ATG2B: variants seen among roughly 807,000 people sequenced by gnomAD.
ATG2B encodes the protein autophagy-related protein 2 homolog B.
A neutral mutation model predicts 241.3 loss-of-function variants in ATG2B; 121 were observed. The ratio of observed to expected loss-of-function variants is 0.50; its 90% CI spans 0.43 to 0.58. The LOEUF (loss-of-function observed/expected upper bound fraction) is 0.58. ATG2B is among the 20% of genes least tolerant of loss of function. The pLI is 0.00. For synonymous variants in ATG2B, 858 were observed against 876.6 expected, an observed-to-expected ratio of 0.98 and a Z score of 0.37; for missense variants, 2,306 against 2,491.6, an observed-to-expected ratio of 0.93 and a Z score of 1.59.
intron 1 of ATG2B, among the ~76,000 whole-genome samples, chr14:96,359,190 G>A (rs779204487): frequency 4.6e-5 from 7 of 152,006 alleles, no homozygotes; most frequent in Non-Finnish European, 7.4e-5. Context: ...TGGGCAACAT[G>A]GCGAAATCCC....
At chr14:96,335,101 C>T (rs1887835983) in intron 6 of ATG2B, among the ~76,000 whole-genome samples, 1 of 152,164 alleles carries the variant, frequency 6.6e-6, no homozygotes, top group Non-Finnish European at 1.5e-5. Flanking sequence ...TCTTTGCCCA[C>T]TTTTCCATCT....
chr14:96,329,711 G>A, intron 11 of ATG2B, 77 bp from the exon 12 acceptor site: 1 of 916,036 alleles, frequency 1.1e-6, no homozygotes, highest in Admixed American at 2.5e-5. Flanking sequence ...ACAAGTTCAA[G>A]TTATCAATAA....
chr14:96,335,206 A>T (rs1160298822), intron 6 of ATG2B, among the ~76,000 whole-genome samples: 2 of 152,214 alleles, frequency 1.3e-5, no homozygotes, highest in Admixed American at 6.5e-5. Context: ...AAAAAGCAGA[A>T]TATCCCTGCC....
chr14:96,302,845 C>G (rs1886829340), intron 33 of ATG2B, among the ~76,000 whole-genome samples: 1 of 152,138 alleles, frequency 6.6e-6, no homozygotes, highest in Admixed American at 6.5e-5. Flanking sequence ...CCTCAGATAT[C>G]AATTTATTAG....
In ATG2B at chr14:96,328,758, C is replaced by A; in HGVS notation, c.1890G>T (p.Thr630=). ...SVPPHYTELL[T]FHSKEETGSH... ...AACCAGTTTCTTCTTTGGAATGGAA[C>A]GTTAAAAGCTTAAAAGTAAAGATGA... Residue 630 remains threonine, a synonymous_variant, in exon 13 of 42, where the codon ACG becomes ACT. Transcript: ENST00000359933. 1 of 1,606,684 alleles carries A rather than the reference C, an allele frequency of 6.2e-7. No homozygotes were observed. Among genetic ancestry groups the A allele is most frequent in the Middle Eastern group, 1.7e-4 (1 of 6,034 alleles).
chr14:96,306,074 T>C (rs1886938219), intron 30 of ATG2B, among the ~76,000 whole-genome samples: 2 of 152,352 alleles, frequency 1.3e-5, no homozygotes, highest in Admixed American at 6.5e-5. Context: ...ACTTGTTTGA[T>C]AATAAAAAAG....
chr14:96,317,256 A>G lies in ATG2B; in HGVS notation c.3099T>C (p.Tyr1033=). The G allele has an allele frequency of 6.2e-7, 1 of 1,613,922 alleles. No individual in the cohort carries two copies. The highest frequency in any genetic ancestry group is 1.7e-5 in the Admixed American group (1 of 60,024). ...CTAATTTTTTTTTCCTGCGAGAACG[A>G]TAGTTGGGATCAACAGTGGAAAAAT... The part of the protein sequence containing the change: ...LQYFSTVDPN[Y]RSRRKKKLDS... The change falls in exon 20 of 42, where the codon TAT becomes TAC. Residue 1033 remains tyrosine (Y), a synonymous_variant. Transcript: ENST00000359933.
chr14:96,282,480 T>TGAAGC lies in ATG2B; in HGVS notation c.*3270_*3274dup, dbSNP rs1385345247. ...TCTGAGGATGCGGGTGCGAGGACTC[T>TGAAGC]GAAGCAAAGCAAAGCAGAGGGATCT... is the stretch of plus-strand genomic sequence containing the variant. On this transcript the variant is annotated 3_prime_UTR_variant, in exon 42 of 42. Coordinates refer to ENST00000359933, the MANE Select transcript of ATG2B (RefSeq NM_018036.7). The TGAAGC allele has an allele frequency of 6.6e-6, 1 of 152,256 alleles. No individual in the cohort carries two copies. Among genetic ancestry groups the TGAAGC allele is most frequent in the Admixed American group, 6.5e-5 (1 of 15,286 alleles). The allele number at this position is 152,256 out of a possible 1,614,324, so 9.4% of individuals were successfully genotyped here. A position where few individuals can be genotyped will look rare whatever the true frequency, so the allele number is the denominator to read the frequency against.
At chr14:96,286,294 C>T (rs1190078696) in intron 41 of ATG2B, among the ~76,000 whole-genome samples, 1 of 152,134 alleles carries the variant, frequency 6.6e-6, no homozygotes, top group Non-Finnish European at 1.5e-5. Context: ...ATTAATCACT[C>T]CAGTTAAATC....
Position 96,341,624 on chromosome 14 carries a change from T to C in ATG2B, c.822A>G (p.Leu274=), listed in dbSNP as rs747065316. ...YEPHPQLTRN[L]PEIAPSDPVQ... ...CTGGGTCAGAAGGTGCTATCTCTGGTAAATTTCTAGTTAGCTGTGGGTGTG... is the reference window on the plus strand; with the variant it reads ...CTGGGTCAGAAGGTGCTATCTCTGGCAAATTTCTAGTTAGCTGTGGGTGTG... The change falls in exon 6 of 42, where the codon TTA becomes TTG. Residue 274 remains leucine (L), a synonymous_variant. Transcript: ENST00000359933. 2.5e-6 allele frequency: 4 copies of C among 1,603,948 alleles called. No individual in the cohort carries two copies. In the Admixed American group the frequency reaches 5.1e-5, roughly 20 times the overall value.
Position 96,291,603 on chromosome 14 carries a change from T to G in ATG2B, c.5576A>C (p.His1859Pro), listed in dbSNP as rs1427353785. 6.3e-7 allele frequency: 1 copy of G among 1,597,402 alleles called. No homozygotes were observed. Among genetic ancestry groups the G allele is most frequent in the Non-Finnish European group, 8.6e-7 (1 of 1,168,932 alleles). The change falls in exon 38 of 42, where the codon CAT (histidine) becomes CCT (proline). Residue 1859 changes from histidine (H) to proline (P), a missense_variant. Coordinates refer to ENST00000359933, the MANE Select transcript of ATG2B (RefSeq NM_018036.7). ...ELKLKRLSYR[H>P]GLLGVDKLFS... ...TTCATATAATAAATTCACTTACCCA[T>G]GTCGATAGGAAAGCCTCTTGAGCTT...
In ATG2B at chr14:96,280,607, G is replaced by C. The variant is rs181887372; in HGVS notation, c.*5148C>G. 13 of 152,302 alleles carry C rather than the reference G, an allele frequency of 8.5e-5. No individual in the cohort carries two copies. Among genetic ancestry groups the C allele is most frequent in the African/African-American group, 3.1e-4 (13 of 41,550 alleles). 9.4% of individuals were successfully genotyped at this position (152,302 alleles called of 1,614,324 possible). ...TTGCCCTTAAAAATAAGTATGTCTG[G>C]CCAGGCACGGTGGCTCATGCCTGTA... On this transcript the variant is annotated 3_prime_UTR_variant, in exon 42 of 42. Coordinates refer to ENST00000359933, the MANE Select transcript of ATG2B (RefSeq NM_018036.7).
In ATG2B at chr14:96,329,581, G is replaced by A. The variant is rs201727567; in HGVS notation, c.1784C>T (p.Ser595Phe). 2.3e-4 allele frequency: 369 copies of A among 1,610,200 alleles called. 1 individual carries two copies. The highest frequency in any genetic ancestry group is 1.8e-3 in the Middle Eastern group (11 of 6,034). The stretch of plus-strand genomic sequence containing the variant: ...GGACATATCAGTACTAAAATATCGG[G>A]AAGCTGATCTTTGTCTTTGTTCATA... ...VSYEQRQRSA[S>F]RYFSTDMSIG... The change falls in exon 12 of 42, where the codon TCC (serine) becomes TTC (phenylalanine). Residue 595 changes from serine (S) to phenylalanine (F), a missense_variant. Physicochemically the swap from Ser to Phe is radical, Grantham distance 155. Coordinates refer to ENST00000359933, the MANE Select transcript of ATG2B (RefSeq NM_018036.7).
intron 6 of ATG2B, among the ~76,000 whole-genome samples, chr14:96,340,926 G>GAAAAAA (rs34515724): frequency 1.8e-5 from 2 of 112,984 alleles, no homozygotes; most frequent in African/African-American, 3.4e-5. Flanking sequence ...ACCCCATCTC[G>GAAAAAA]AAAAAAAAAA....
Position 96,304,425 on chromosome 14 carries a change from T to TG in ATG2B, c.4842+69dup, listed in dbSNP as rs1475753615. ...GGACTTAAGGCTCAAGACTACGTGGTGGGGGATAACAAAAGAACCCCCCGC... is the reference window on the plus strand; with the variant it reads ...GGACTTAAGGCTCAAGACTACGTGGTGGGGGGATAACAAAAGAACCCCCCGC... On this transcript the variant is annotated intron_variant, in intron 32 of 41. Transcript: ENST00000359933. 7.0e-6 allele frequency: 8 copies of TG among 1,140,274 alleles called. No homozygotes were observed. In the Admixed American group the frequency reaches 1.4e-4, roughly 20 times the overall value. 70.6% of individuals were successfully genotyped at this position (1,140,274 alleles called of 1,614,324 possible). A position where few individuals can be genotyped will look rare whatever the true frequency, so the allele number is the denominator to read the frequency against.
At position 96,322,647 on chromosome 14, in the gene ATG2B, G is replaced by C; in HGVS notation, c.2629C>G (p.Gln877Glu). The part of the protein sequence containing the change: ...EEEEENDGHY[Q>E]EEEEGGAHSL... The stretch of plus-strand genomic sequence containing the variant: ...TGAGCACCTCCTTCCTCTTCCTCCT[G>C]GTAGTGACCATCATTCTCCTCTTCT... Residue 877 changes from glutamine to glutamate, a missense_variant, in exon 17 of 42, where the codon CAG (glutamine) becomes GAG (glutamate). By Grantham distance (29) the Gln-to-Glu change is conservative (BLOSUM62 2). Around this residue, in one of 2 missense-constraint regions of ATG2B, gnomAD observed 1,927 missense variants for 2,011.2 expected, o/e 0.96. Transcript: ENST00000359933. The C allele has an allele frequency of 6.2e-7, 1 of 1,613,716 alleles. No homozygotes were observed. Among genetic ancestry groups the C allele is most frequent in the South Asian group, 1.1e-5 (1 of 91,058 alleles).
At chr14:96,342,490 G>A (rs193241393) in intron 5 of ATG2B, among the ~76,000 whole-genome samples, 1 of 152,230 alleles carries the variant, frequency 6.6e-6, no homozygotes, top group African/African-American at 2.4e-5. Context: ...GGGAGGCTGA[G>A]GCAGGTGGAT....
intron 21 of ATG2B, 112 bp from the exon 22 acceptor site, chr14:96,315,695 A>G (rs1887291832): frequency 2.6e-6 from 2 of 772,126 alleles, no homozygotes; most frequent in South Asian, 1.8e-5. Context: ...ATATAACTTA[A>G]GGAGGCATGA....
At position 96,363,037 on chromosome 14, in the gene ATG2B, T is replaced by A; in HGVS notation, c.-61A>T. The A allele has an allele frequency of 6.3e-7, 1 of 1,596,144 alleles. No individual in the cohort carries two copies. Among genetic ancestry groups the A allele is most frequent in the Non-Finnish European group, 8.6e-7 (1 of 1,168,626 alleles). On this transcript the variant is annotated 5_prime_UTR_variant, in exon 1 of 42. Coordinates refer to ENST00000359933, the MANE Select transcript of ATG2B (RefSeq NM_018036.7). ...GGTTGCGACGGCTCCGGCCTCGGGG[T>A]AGCGACTCCGGCTCCAGGCCGCGGC... is the stretch of plus-strand genomic sequence containing the variant.
Sources: allele counts gnomAD v4.1 joint callset (sites outside exome capture counted in the v4.1 genomes callset), GRCh38; gene constraint gnomAD v4.1.1; regional missense constraint gnomAD v4.1.1; transcripts MANE v1.5; gene names NCBI Gene and HGNC (gene_info 2026-07-23, HGNC 2026-07-21).